The following C7orf78 variants were observed in gnomAD, a reference collection of about 807,000 sequenced individuals.
The protein encoded by C7orf78 is putative uncharacterized protein C7orf78.
chr7:12,514,706 G>T, the C7orf78 span, among the ~76,000 whole-genome samples: 1 of 151,966 alleles, frequency 6.6e-6, no homozygotes, highest in Non-Finnish European at 1.5e-5. Flanking sequence ...TCGTTTGTGT[G>T]TTTGCTTTAC....
the C7orf78 span, among the ~76,000 whole-genome samples, chr7:12,527,223 C>G: frequency 9.0e-6 from 1 of 111,114 alleles, no homozygotes; most frequent in Non-Finnish European, 1.8e-5. Flanking sequence ...TAGAAAATGC[C>G]ACCTAGCTGT....
At chr7:12,513,481 A>T in the C7orf78 span, among the ~76,000 whole-genome samples, 123 of 152,268 alleles carry the variant, frequency 8.1e-4, no homozygotes, top group Middle Eastern at 0.01. Context: ...AAATTTTTAA[A>T]TTAAAAAAAT....
At chr7:12,518,074 T>C in the C7orf78 span, among the ~76,000 whole-genome samples, 2 of 152,194 alleles carry the variant, frequency 1.3e-5, no homozygotes, top group African/African-American at 4.8e-5. Context: ...GTTGGGGCCA[T>C]TTGGCTTTGA....
chr7:12,488,397 T>C, the C7orf78 span, among the ~76,000 whole-genome samples: 2 of 152,058 alleles, frequency 1.3e-5, no homozygotes, highest in African/African-American at 2.4e-5. Flanking sequence ...ACAGTCCACA[T>C]ATGACAGGAA....
the C7orf78 span, chr7:12,541,892 A>G: frequency 1.4e-4 from 22 of 152,216 alleles, no homozygotes; most frequent in African/African-American, 4.8e-4. Context: ...GAAATAATAA[A>G]TGTCCTTCTT....
chr7:12,524,045 T>G, the C7orf78 span, among the ~76,000 whole-genome samples: 1 of 152,154 alleles, frequency 6.6e-6, no homozygotes, highest in African/African-American at 2.4e-5. Flanking sequence ...AGTTAAACAG[T>G]AGAACTGATA....
At chr7:12,514,852 A>G in the C7orf78 span, among the ~76,000 whole-genome samples, 2 of 151,616 alleles carry the variant, frequency 1.3e-5, no homozygotes, top group Admixed American at 1.3e-4. Flanking sequence ...TCTCTGGGAA[A>G]GACTTTATTT....
At chr7:12,496,809 A>C in the C7orf78 span, among the ~76,000 whole-genome samples, 1 of 152,250 alleles carries the variant, frequency 6.6e-6, no homozygotes, top group Non-Finnish European at 1.5e-5. Flanking sequence ...AATGAGGCAT[A>C]AATCAGATAG....
chr7:12,528,093 T>C, the C7orf78 span, among the ~76,000 whole-genome samples: 1 of 146,698 alleles, frequency 6.8e-6, no homozygotes, highest in African/African-American at 2.5e-5. Flanking sequence ...GAAAATGCCA[T>C]CTAGCTGTGT....
the C7orf78 span, among the ~76,000 whole-genome samples, chr7:12,505,321 A>G: frequency 6.6e-6 from 1 of 152,120 alleles, no homozygotes; most frequent in Non-Finnish European, 1.5e-5. Flanking sequence ...AATCTAAAAC[A>G]TGGAGAACTA....
the C7orf78 span, among the ~76,000 whole-genome samples, chr7:12,495,950 G>A: frequency 6.6e-6 from 1 of 151,646 alleles, no homozygotes; most frequent in Non-Finnish European, 1.5e-5. Flanking sequence ...TTTTGAGACG[G>A]AGTCTCACTC....
At chr7:12,509,118 G>A in the C7orf78 span, among the ~76,000 whole-genome samples, 1 of 152,120 alleles carries the variant, frequency 6.6e-6, no homozygotes, top group African/African-American at 2.4e-5. Context: ...CAAAAAGATT[G>A]GGGACTGCTG....
chr7:12,518,200 A>ATT, the C7orf78 span, among the ~76,000 whole-genome samples: 2 of 151,888 alleles, frequency 1.3e-5, no homozygotes, highest in Non-Finnish European at 2.9e-5. Flanking sequence ...TATGGTGGAG[A>ATT]TTTTCTGGGA....
the C7orf78 span, among the ~76,000 whole-genome samples, chr7:12,540,739 T>A: frequency 1.1e-4 from 16 of 152,334 alleles, no homozygotes; most frequent in East Asian, 3.1e-3. Context: ...TCTTTTTTGT[T>A]ATCATGCCTT....
At chr7:12,542,152 A>G in the C7orf78 span, 14 of 152,198 alleles carry the variant, frequency 9.2e-5, no homozygotes, top group Admixed American at 5.2e-4. Flanking sequence ...CAATTTCACT[A>G]TGAAAACTAC....
the C7orf78 span, among the ~76,000 whole-genome samples, chr7:12,492,672 C>A: frequency 6.6e-6 from 1 of 152,172 alleles, no homozygotes; most frequent in Non-Finnish European, 1.5e-5. Context: ...ACAGCCAAAT[C>A]CCAGTGAACA....
the C7orf78 span, among the ~76,000 whole-genome samples, chr7:12,529,595 A>G: frequency 6.6e-6 from 1 of 152,196 alleles, no homozygotes; most frequent in Non-Finnish European, 1.5e-5. Context: ...GGTTTTATAC[A>G]TTTTAGGGAG....
At chr7:12,506,044 C>CAATG in the C7orf78 span, 1 of 152,814 alleles carries the variant, frequency 6.5e-6, no homozygotes, top group Admixed American at 6.5e-5. Flanking sequence ...TTTCAGAACA[C>CAATG]AATGCAACAA....
At chr7:12,499,219 A>C in the C7orf78 span, among the ~76,000 whole-genome samples, 1 of 151,956 alleles carries the variant, frequency 6.6e-6, no homozygotes, top group Non-Finnish European at 1.5e-5. Context: ...GACAGGATCA[A>C]ATTCACACAT....
Sources: gnomAD v4.1 joint callset for allele counts (sites outside exome capture counted in the v4.1 genomes callset) on GRCh38, gnomAD v4.1.1 for gene constraint, MANE v1.5 for transcripts, NCBI Gene and HGNC (gene_info 2026-07-23, HGNC 2026-07-21) for gene names.